Variants in GIMD1 observed in about 807,000 individuals in gnomAD.
GIMD1 encodes the protein GIMAP family P-loop NTPase domain containing 1.
Under a neutral mutation model 14.9 loss-of-function variants are expected in GIMD1, and 14 were observed. The observed-to-expected ratio is 0.94, with a 90% CI of 0.62 to 1.47. The LOEUF (loss-of-function observed/expected upper bound fraction) is 1.47. Ranked by LOEUF, GIMD1 falls within the 40% of genes most tolerant of loss-of-function variation. The pLI, the probability that GIMD1 is intolerant of heterozygous loss-of-function variation, is 0.00. For synonymous variants in GIMD1, 91 were observed against 90.5 expected (o/e 1.01, Z -0.03); for missense variants, 272 against 255.3 (o/e 1.07, Z -0.44).
rs1179232693 is a variant in GIMD1 at position 106,366,117 on chromosome 4, G to A, written c.393+926C>T. The stretch of plus-strand genomic sequence containing the variant: ...AATTGGAATAGACCACCAGGGAAAG[G>A]TGGCATGTGTTATTTATGCTCAACC... On this transcript the variant is annotated intron_variant, in intron 2 of 2. Coordinates refer to ENST00000638719, the MANE Select transcript of GIMD1 (RefSeq NM_001195138.2). Among the ~76,000 whole-genome samples the A allele has an allele frequency of 2.6e-5, 4 of 152,030 alleles. No homozygotes were observed. In the East Asian group the frequency reaches 5.8e-4, roughly 22 times the overall value.
intron 2 of GIMD1, among the ~76,000 whole-genome samples, chr4:106,361,417 G>C (rs1158914662): frequency 6.6e-6 from 1 of 152,042 alleles, no homozygotes; most frequent in Admixed American, 6.6e-5. Flanking sequence ...AAGATGTCTT[G>C]CATGTGATGA....
At chr4:106,368,368 C>T (rs1394395550) in intron 1 of GIMD1, among the ~76,000 whole-genome samples, 3 of 152,108 alleles carry the variant, frequency 2.0e-5, no homozygotes, top group Non-Finnish European at 4.4e-5. Context: ...CCCACGCTAC[C>T]AATTCAGAAA....
chr4:106,363,271 G>C (rs1024975650), intron 2 of GIMD1, among the ~76,000 whole-genome samples: 2 of 152,034 alleles, frequency 1.3e-5, no homozygotes, highest in African/African-American at 4.8e-5. Context: ...ACCGTTGAAA[G>C]GGCATTAATC....
intron 2 of GIMD1, among the ~76,000 whole-genome samples, chr4:106,366,462 A>G (rs1185040649): frequency 6.6e-6 from 1 of 152,164 alleles, no homozygotes; most frequent in African/African-American, 2.4e-5. Context: ...TTCAATGACC[A>G]AGTCAGTGAA....
chr4:106,364,828 G>C (rs550176176), intron 2 of GIMD1, among the ~76,000 whole-genome samples: 4 of 152,084 alleles, frequency 2.6e-5, no homozygotes, highest in Admixed American at 6.6e-5. Context: ...TGTTTTAAAC[G>C]ACCAAAGACA....
intron 2 of GIMD1, among the ~76,000 whole-genome samples, chr4:106,365,434 A>G (rs1770683150): frequency 6.6e-6 from 1 of 151,968 alleles, no homozygotes; most frequent in Admixed American, 6.6e-5. Context: ...TTACTGAAAA[A>G]CAATGCGTGT....
At chr4:106,360,661 T>G (rs1440300879) in intron 2 of GIMD1, among the ~76,000 whole-genome samples, 2 of 152,028 alleles carry the variant, frequency 1.3e-5, no homozygotes, top group East Asian at 3.9e-4. Flanking sequence ...TATAATTATT[T>G]AAGCTAAGGT....
At chr4:106,361,699 A>T (rs1434552035) in intron 2 of GIMD1, among the ~76,000 whole-genome samples, 1 of 152,100 alleles carries the variant, frequency 6.6e-6, no homozygotes, top group African/African-American at 2.4e-5. Context: ...CTTGAGAGCC[A>T]TCCTAAACTT....
chr4:106,359,728 A>G (rs1201277595), intron 2 of GIMD1, among the ~76,000 whole-genome samples: 1 of 151,820 alleles, frequency 6.6e-6, no homozygotes. Context: ...GAAATAAGAA[A>G]GAAAACAGAA....
intron 1 of GIMD1, 143 bp downstream of exon 1, chr4:106,368,567 C>T: frequency 2.6e-6 from 1 of 391,604 alleles, no homozygotes; most frequent in Non-Finnish European, 4.5e-6. Flanking sequence ...CGGGTCCCTC[C>T]AGTTCACACC....
chr4:106,367,038 A>G lies in GIMD1; in HGVS notation c.393+5T>C, dbSNP rs1312371589. The G allele has an allele frequency of 6.7e-7, 1 of 1,500,956 alleles. No homozygotes were observed. The highest frequency in any genetic ancestry group is 1.3e-5 in the South Asian group (1 of 78,086). 93.0% of individuals were successfully genotyped at this position (1,500,956 alleles called of 1,614,324 possible). On this transcript the variant is annotated splice_donor_5th_base_variant and intron_variant, in intron 2 of 2. Transcript: ENST00000638719. The stretch of plus-strand genomic sequence containing the variant: ...GGCATTAGTGTAATTGCATCTTAGT[A>G]TTACCTGGATCATCTGGACTGGGTC...
intron 2 of GIMD1, among the ~76,000 whole-genome samples, chr4:106,364,857 A>G (rs938553598): frequency 1.2e-4 from 19 of 152,180 alleles, no homozygotes; most frequent in Non-Finnish European, 2.2e-4. Flanking sequence ...TTGAGTTCAC[A>G]TATATAAAAA....
chr4:106,364,398 A>G (rs1045153694), intron 2 of GIMD1, among the ~76,000 whole-genome samples: 1 of 152,196 alleles, frequency 6.6e-6, no homozygotes. Flanking sequence ...AAAGAAATCC[A>G]TAGTGTGCCT....
At chr4:106,361,773 G>A (rs539587599) in intron 2 of GIMD1, among the ~76,000 whole-genome samples, 3 of 152,114 alleles carry the variant, frequency 2.0e-5, no homozygotes, top group African/African-American at 7.2e-5. Context: ...TTGAGCCCCA[G>A]TGACTTAATG....
At chr4:106,368,550 C>T (rs1322114427) in intron 1 of GIMD1, among the ~76,000 whole-genome samples, 160 bp downstream of exon 1, 1 of 152,172 alleles carries the variant, frequency 6.6e-6, no homozygotes, top group Non-Finnish European at 1.5e-5. Flanking sequence ...AAAAGACACT[C>T]ATTTTGCGGG....
At position 106,362,515 on chromosome 4, in the gene GIMD1, C is replaced by T. The variant is rs543632096; in HGVS notation, c.394-4072G>A. The stretch of plus-strand genomic sequence containing the variant: ...GTTTGAGTGCTAATGGGTATGAGTC[C>T]ATTTAGTCCTTTTGGGACTACTGGT... On this transcript the variant is annotated intron_variant, in intron 2 of 2. Coordinates refer to ENST00000638719, the MANE Select transcript of GIMD1 (RefSeq NM_001195138.2). Among the ~76,000 whole-genome samples the T allele has an allele frequency of 5.9e-5, 9 of 152,044 alleles. No homozygotes were observed. The South Asian group carries it at 1.9e-3, about 32-fold the overall frequency.
Position 106,358,078 on chromosome 4 carries a change from C to G in GIMD1, c.*105G>C. 2.7e-6 allele frequency: 2 copies of G among 730,946 alleles called. No individual in the cohort carries two copies. Among genetic ancestry groups the G allele is most frequent in the Non-Finnish European group, 4.3e-6 (2 of 465,052 alleles). 45.3% of individuals were successfully genotyped at this position (730,946 alleles called of 1,614,324 possible). ...TTATACCAATGTACACTCTCACCAGCAGCATATCAGAATACTTATGGTCCA... is the reference window on the plus strand; with the variant it reads ...TTATACCAATGTACACTCTCACCAGGAGCATATCAGAATACTTATGGTCCA... On this transcript the variant is annotated 3_prime_UTR_variant, in exon 3 of 3. Transcript: ENST00000638719.
At chr4:106,367,475 T>C (rs1224230224) in intron 1 of GIMD1, 38 bp from the exon 2 acceptor site, 3 of 1,468,774 alleles carry the variant, frequency 2.0e-6, no homozygotes, top group Non-Finnish European at 2.7e-6. Flanking sequence ...ATAATTAGGC[T>C]TCTACATTCC....
At chr4:106,359,067 T>C (rs1228630292) in intron 2 of GIMD1, among the ~76,000 whole-genome samples, 1 of 151,890 alleles carries the variant, frequency 6.6e-6, no homozygotes. Flanking sequence ...TCTAATGTGG[T>C]TGAAAAACAT....
Sources: allele counts gnomAD v4.1 joint callset (sites outside exome capture counted in the v4.1 genomes callset), GRCh38; gene constraint gnomAD v4.1.1; transcripts MANE v1.5; gene names NCBI Gene and HGNC (gene_info 2026-07-23, HGNC 2026-07-21).